The following PTK2 variants were observed in gnomAD, a reference collection of about 807,000 sequenced individuals.
PTK2 encodes protein tyrosine kinase 2, also known as focal adhesion kinase 1.
Under a neutral mutation model 150.1 loss-of-function variants are expected in PTK2, and 45 were observed. The ratio of observed to expected loss-of-function variants is 0.30; its 90% CI spans 0.24 to 0.38. PTK2 has a LOEUF of 0.38. Ranked by LOEUF, PTK2 falls within the 10% of genes least tolerant of loss-of-function variation. PTK2 has a pLI of 1.00. For missense variants in PTK2, 919 were observed against 1,307.3 expected (o/e 0.70, Z 4.58); for synonymous variants, 432 against 449.2 (o/e 0.96, Z 0.48).
intron 2 of PTK2, among the ~76,000 whole-genome samples, chr8:140,898,511 C>T (rs746537737): frequency 2.4e-4 from 37 of 152,194 alleles, no homozygotes; most frequent in Non-Finnish European, 4.4e-4. Context: ...CAAGGGTTCT[C>T]AGTGCCTAAC....
At chr8:140,807,005 C>T (rs2100098502) in intron 10 of PTK2, among the ~76,000 whole-genome samples, 1 of 152,150 alleles carries the variant, frequency 6.6e-6, no homozygotes, top group Admixed American at 6.5e-5. Context: ...TATTTTATAA[C>T]TAGAAGGAAA....
intron 24 of PTK2, among the ~76,000 whole-genome samples, chr8:140,703,923 A>G (rs1371131802): frequency 6.6e-6 from 1 of 152,204 alleles, no homozygotes; most frequent in Non-Finnish European, 1.5e-5. Context: ...GTATTTCCAA[A>G]TATCAACACA....
chr8:140,782,843 C>T (rs1475039159), intron 14 of PTK2, among the ~76,000 whole-genome samples: 1 of 152,112 alleles, frequency 6.6e-6, no homozygotes, highest in South Asian at 2.1e-4. Flanking sequence ...CAGCACTATC[C>T]TATTCCTAAT....
chr8:140,773,518 G>C (rs1377364312), intron 14 of PTK2, among the ~76,000 whole-genome samples: 1 of 152,164 alleles, frequency 6.6e-6, no homozygotes, highest in African/African-American at 2.4e-5. Context: ...AGGAGGAGAG[G>C]GAAAGGGCCA....
chr8:140,955,401 C>T (rs970318355), intron 1 of PTK2, among the ~76,000 whole-genome samples: 18 of 152,214 alleles, frequency 1.2e-4, no homozygotes, highest in African/African-American at 4.1e-4. Flanking sequence ...TTCCCCTTCG[C>T]TTTCTGCCAT....
chr8:140,704,954 G>A (rs530959348), intron 24 of PTK2, among the ~76,000 whole-genome samples: 96 of 152,196 alleles, frequency 6.3e-4, no homozygotes, highest in African/African-American at 2.2e-3. Flanking sequence ...AGGTGCCCTC[G>A]AAAACTCAAA....
chr8:140,761,996 G>A (rs1365546819), intron 15 of PTK2, among the ~76,000 whole-genome samples: 4 of 152,024 alleles, frequency 2.6e-5, no homozygotes, highest in Admixed American at 6.6e-5. Context: ...CATTAAGAAT[G>A]TAATAGATTC....
At chr8:140,749,726 C>G (rs1434760580) in intron 17 of PTK2, among the ~76,000 whole-genome samples, 1 of 152,122 alleles carries the variant, frequency 6.6e-6, no homozygotes, top group Non-Finnish European at 1.5e-5. Context: ...AATTCCTGAT[C>G]GAGGCCATAT....
intron 14 of PTK2, among the ~76,000 whole-genome samples, chr8:140,764,700 T>C (rs2100071400): frequency 6.6e-6 from 1 of 152,242 alleles, no homozygotes; most frequent in African/African-American, 2.4e-5. Flanking sequence ...ACACGGTATC[T>C]GATTTTATTA....
intron 31 of PTK2, among the ~76,000 whole-genome samples, chr8:140,660,325 T>C (rs139228391): frequency 1.4e-4 from 22 of 152,340 alleles, no homozygotes; most frequent in African/African-American, 4.1e-4. Context: ...CACAGCTCTT[T>C]AGTCTCCAAG....
At chr8:140,680,780 T>C (rs1225055977) in intron 27 of PTK2, among the ~76,000 whole-genome samples, 1 of 152,222 alleles carries the variant, frequency 6.6e-6, no homozygotes, top group African/African-American at 2.4e-5. Flanking sequence ...TGGCTGATAA[T>C]GCAACCTTCT....
chr8:140,797,176 T>G (rs369037384), intron 12 of PTK2, among the ~76,000 whole-genome samples: 5 of 152,278 alleles, frequency 3.3e-5, no homozygotes, highest in East Asian at 3.9e-4. Context: ...CAGTGGTGGT[T>G]ATCAGGTTTC....
At chr8:140,931,717 T>C (rs987811247) in intron 1 of PTK2, among the ~76,000 whole-genome samples, 1 of 152,000 alleles carries the variant, frequency 6.6e-6, no homozygotes, top group African/African-American at 2.4e-5. Flanking sequence ...GGAGGATCAC[T>C]TGAGCCCAGG....
rs560239070 is a variant in PTK2, at chr8:140,867,184, G to T, written c.363-2785C>A. 4.8e-4 allele frequency among the ~76,000 whole-genome samples: 73 copies of T among 152,234 alleles called. 1 individual carries two copies. The South Asian group carries it at 0.015, about 31-fold the overall frequency. On this transcript the variant is annotated intron_variant, in intron 4 of 31. Transcript: ENST00000522684. ...AATGGCATGCTGTGCACAGAGAAAT[G>T]ACATCACAGGGTTTTCATTTTTCAT... is the stretch of plus-strand genomic sequence containing the variant.
chr8:140,959,716 C>T (rs766974816), intron 1 of PTK2, among the ~76,000 whole-genome samples: 14 of 151,500 alleles, frequency 9.2e-5, no homozygotes, highest in Admixed American at 5.3e-4. Flanking sequence ...CTGTGGCCCA[C>T]GTATAGCAGC....
Position 140,693,564 on chromosome 8 carries a change from T to TTAAAA in PTK2, c.2500-6871_2500-6870insTTTTA, listed in dbSNP as rs1181421194. ...CCACAGAGTGAGACTTTGTCTCAAT[T>TTAAAA]AAAAAAAAAAAAAAAAAAAAAAAAA... On this transcript the variant is annotated intron_variant, in intron 26 of 31. Transcript: ENST00000522684. Among the ~76,000 whole-genome samples the TTAAAA allele has an allele frequency of 5.7e-4, 41 of 72,458 alleles. 19 individuals carry two copies. The highest frequency in any genetic ancestry group is 2.1e-3 in the African/African-American group (35 of 16,654). 47.5% of individuals were successfully genotyped at this position (72,458 alleles called of 152,430 possible). A position where few individuals can be genotyped will look rare whatever the true frequency, so the allele number is the denominator to read the frequency against.
chr8:140,794,727 TGAA>T (rs2100090610), intron 12 of PTK2, among the ~76,000 whole-genome samples: 1 of 152,220 alleles, frequency 6.6e-6, no homozygotes, highest in African/African-American at 2.4e-5. Context: ...CCTGGCCTGA[TGAA>T]GATTAGAGAA....
At chr8:140,662,066 G>C (rs2081087895) in intron 31 of PTK2, among the ~76,000 whole-genome samples, 2 of 152,178 alleles carry the variant, frequency 1.3e-5, no homozygotes, top group East Asian at 1.9e-4. Context: ...GGGAGACCGA[G>C]GTAGGAGGAT....
At chr8:140,818,190 TG>T in intron 10 of PTK2, 86 bp downstream of exon 10, 1 of 1,247,052 alleles carries the variant, frequency 8.0e-7, no homozygotes, top group Admixed American at 1.8e-5. Context: ...AATTGTAAAA[TG>T]ATCTTTTCCA....
Sources: allele counts gnomAD v4.1 joint callset (sites outside exome capture counted in the v4.1 genomes callset), GRCh38; gene constraint gnomAD v4.1.1; transcripts MANE v1.5; gene names NCBI Gene and HGNC (gene_info 2026-07-23, HGNC 2026-07-21).